The following SPG11 variants were observed in gnomAD, a reference collection of about 807,000 sequenced individuals.
SPG11 encodes spatacsin.
A neutral mutation model predicts 274.0 loss-of-function variants in SPG11; 222 were observed. That is an observed-to-expected ratio of 0.81 (90% confidence interval 0.73 to 0.91). SPG11 has a LOEUF of 0.91. Ranked by LOEUF, SPG11 falls within the 40% of genes least tolerant of loss-of-function variation. The pLI, the probability that SPG11 is intolerant of heterozygous loss-of-function variation, is 0.00. For synonymous variants in SPG11, 1,144 were observed against 1,039.7 expected (o/e 1.10, Z -1.93); for missense variants, 3,114 against 2,872.7 (o/e 1.08, Z -1.92).
chr15:44,583,615 T>C (rs758742687), intron 30 of SPG11, among the ~76,000 whole-genome samples, 199 bp downstream of exon 30: 5 of 152,248 alleles, frequency 3.3e-5, no homozygotes, highest in Non-Finnish European at 5.9e-5. Flanking sequence ...CCCTTTAACT[T>C]TGAAACATAG....
intron 20 of SPG11, among the ~76,000 whole-genome samples, chr15:44,601,948 T>C (rs891560800): frequency 1.3e-5 from 2 of 152,212 alleles, no homozygotes; most frequent in African/African-American, 4.8e-5. Context: ...TTTGATTAAA[T>C]TTATTCCGAA....
At chr15:44,607,401 C>A (rs1260402395) in intron 19 of SPG11, among the ~76,000 whole-genome samples, 2 of 152,188 alleles carry the variant, frequency 1.3e-5, no homozygotes, top group Non-Finnish European at 2.9e-5. Flanking sequence ...CCTACCTCGG[C>A]CTCCAGAGTA....
chr15:44,615,331 T>C, intron 16 of SPG11, 32 bp downstream of exon 16: 3 of 1,603,634 alleles, frequency 1.9e-6, no homozygotes, highest in Non-Finnish European at 2.6e-6. Context: ...TGTGAAGACC[T>C]GCTCAAGGAC....
chr15:44,635,216 AAAAAAC>A (rs953450058), intron 7 of SPG11, among the ~76,000 whole-genome samples: 4 of 151,910 alleles, frequency 2.6e-5, no homozygotes, highest in South Asian at 2.1e-4. Flanking sequence ...ATGCTGTCTC[AAAAAAC>A]AAAAACAAAA....
At position 44,651,520 on chromosome 15, in the gene SPG11, C is replaced by T. The variant is rs2084775732; in HGVS notation, c.1427G>A (p.Gly476Glu). The T allele has an allele frequency of 1.2e-6, 2 of 1,614,202 alleles. No individual in the cohort carries two copies. Among genetic ancestry groups the T allele is most frequent in the Admixed American group, 1.7e-5 (1 of 60,030 alleles). ...GTKCIPVDSS[G>E]DQQLCFVLTE... ...CAAAACAAAGCACAGCTGCTGGTCTCCACTACTGTCTACAGGAATACACTT... is the reference window on the plus strand; with the variant it reads ...CAAAACAAAGCACAGCTGCTGGTCTTCACTACTGTCTACAGGAATACACTT... Residue 476 changes from glycine (G) to glutamate (E), a missense_variant, in exon 6 of 40, where the codon GGA (glycine) becomes GAA (glutamate). Physicochemically the swap from Gly to Glu is moderately conservative, Grantham distance 98. Transcript: ENST00000261866.
intron 10 of SPG11, 49 bp downstream of exon 10, chr15:44,628,620 G>C (rs940437857): frequency 6.6e-7 from 1 of 1,505,142 alleles, no homozygotes; most frequent in Non-Finnish European, 9.2e-7. Flanking sequence ...TGTTTTCTCA[G>C]ACCTTCTGAA....
intron 5 of SPG11, 68 bp downstream of exon 5, chr15:44,652,061 G>A: frequency 6.3e-7 from 1 of 1,588,366 alleles, no homozygotes; most frequent in Non-Finnish European, 8.6e-7. Context: ...GACCTTTAAT[G>A]AAAGGGTACA....
At chr15:44,608,640 G>A (rs372978938) in intron 18 of SPG11, 35 bp from the exon 19 acceptor site, 1 of 1,603,210 alleles carries the variant, frequency 6.2e-7, no homozygotes, top group South Asian at 1.1e-5. Context: ...TTGGACAGTA[G>A]CATTTTTCTC....
chr15:44,620,477 G>T, intron 14 of SPG11, 74 bp from the exon 15 acceptor site: 2 of 1,000,302 alleles, frequency 2.0e-6, no homozygotes, highest in South Asian at 1.4e-5. Flanking sequence ...CTAAATTACT[G>T]AGTAAATATA....
intron 38 of SPG11, among the ~76,000 whole-genome samples, chr15:44,565,531 G>C (rs773884396): frequency 2.0e-5 from 3 of 152,212 alleles, no homozygotes; most frequent in Non-Finnish European, 2.9e-5. Context: ...CTCACTTGCT[G>C]TGCGGCCTGG....
At chr15:44,631,969 C>G (rs1704565749) in intron 8 of SPG11, among the ~76,000 whole-genome samples, 1 of 151,554 alleles carries the variant, frequency 6.6e-6, no homozygotes, top group South Asian at 2.1e-4. Context: ...CCACCACGCA[C>G]AGCTAATTTT....
Position 44,563,320 on chromosome 15 carries a change from T to C in SPG11, c.7152-19A>G, listed in dbSNP as rs963111099. The C allele has an allele frequency of 1.2e-6, 2 of 1,605,610 alleles. No homozygotes were observed. Among genetic ancestry groups the C allele is most frequent in the Non-Finnish European group, 1.7e-6 (2 of 1,173,062 alleles). On this transcript the variant is annotated intron_variant, in intron 39 of 39. Transcript: ENST00000261866. ...TTTATATCTAGATAAAGAAACATAA[T>C]GTACAGGTTAAGATACTGTTTTTTG...
At chr15:44,661,922 C>T (rs1386640181) in intron 1 of SPG11, among the ~76,000 whole-genome samples, 1 of 152,118 alleles carries the variant, frequency 6.6e-6, no homozygotes, top group African/African-American at 2.4e-5. Context: ...TTCAATTCAA[C>T]TAAAAAAGTT....
In SPG11 at chr15:44,563,236, T is replaced by C. The variant is rs2082230815; in HGVS notation, c.7217A>G (p.Glu2406Gly). The change falls in exon 40 of 40, where the codon GAA (glutamate) becomes GGA (glycine). Residue 2406 changes from glutamate to glycine, a missense_variant. Glu to Gly is a moderately conservative substitution (Grantham distance 98, BLOSUM62 -2). Transcript: ENST00000261866. ...ENLKKLLTYC[E>G]DVYLYYKLAY... ...CAACTTGTAATACAGGTAAACATCT[T>C]CACAATATGTGAGTAATTTCTTCAG... 6.2e-7 allele frequency: 1 copy of C among 1,614,136 alleles called. No homozygotes were observed. Among genetic ancestry groups the C allele is most frequent in the Middle Eastern group, 1.7e-4 (1 of 6,060 alleles).
Position 44,592,344 on chromosome 15 carries a change from T to C in SPG11, c.4730A>G (p.Lys1577Arg), listed in dbSNP as rs1440397879. 1.2e-6 allele frequency: 2 copies of C among 1,603,136 alleles called. No individual in the cohort carries two copies. The highest frequency in any genetic ancestry group is 1.7e-6 in the Non-Finnish European group (2 of 1,170,234). ...EAEAKLLEFQ[K>R]SLETLNTAAT... ...ATTCCAACTTACCGTTTCAAGGCTC[T>C]TCTGAAACTCCAGAAGTTTAGCTTC... is the stretch of plus-strand genomic sequence containing the variant. Residue 1577 changes from lysine (K) to arginine (R), a missense_variant, in exon 27 of 40, where the codon AAG becomes AGG. Lys to Arg is a conservative substitution (Grantham distance 26). Transcript: ENST00000261866.
chr15:44,592,578 G>A, intron 26 of SPG11, 140 bp from the exon 27 acceptor site: 3 of 673,334 alleles, frequency 4.5e-6, no homozygotes, highest in East Asian at 2.8e-5. Context: ...CAGCACTTTG[G>A]GAAGCCGAGC....
At chr15:44,658,858 C>G (rs2085017147) in intron 3 of SPG11, among the ~76,000 whole-genome samples, 1 of 152,116 alleles carries the variant, frequency 6.6e-6, no homozygotes, top group Non-Finnish European at 1.5e-5. Flanking sequence ...ATGGTTAATA[C>G]TATTAAAAAT....
chr15:44,563,268 C>T lies in SPG11; in HGVS notation c.7185G>A (p.Met2395Ile), dbSNP rs751225304. The T allele has an allele frequency of 6.2e-7, 1 of 1,613,882 alleles. No individual in the cohort carries two copies. Among genetic ancestry groups the T allele is most frequent in the East Asian group, 2.2e-5 (1 of 44,882 alleles). Residue 2395 changes from methionine to isoleucine, a missense_variant, in exon 40 of 40, where the codon ATG becomes ATA. Physicochemically the swap from Met to Ile is conservative, Grantham distance 10 (BLOSUM62 1). Coordinates refer to ENST00000261866, the MANE Select transcript of SPG11 (RefSeq NM_025137.4). ...YKQHQPTDMV[M>I]ENLKKLLTYC... ...ATGTGAGTAATTTCTTCAGGTTTTC[C>T]ATGACCATGTCAGTAGGCTGATGTT...
intron 6 of SPG11, among the ~76,000 whole-genome samples, chr15:44,650,483 G>C (rs150370237): frequency 2.0e-4 from 31 of 152,036 alleles, no homozygotes; most frequent in African/African-American, 7.5e-4. Flanking sequence ...GCGAGACGTC[G>C]TCTCTACTAA....
Sources: gnomAD v4.1 joint callset for allele counts (sites outside exome capture counted in the v4.1 genomes callset) on GRCh38, gnomAD v4.1.1 for gene constraint, MANE v1.5 for transcripts, NCBI Gene and HGNC (gene_info 2026-07-23, HGNC 2026-07-21) for gene names.